GRM7: variants seen among roughly 807,000 people sequenced by gnomAD.
GRM7 encodes the protein glutamate metabotropic receptor 7.
A neutral mutation model predicts 84.5 loss-of-function variants in GRM7; 35 were observed. That is an observed-to-expected ratio of 0.41 (90% confidence interval 0.32 to 0.55). GRM7 has a LOEUF of 0.55. Among genes scored for constraint, GRM7 ranks in the 20% least tolerant of loss-of-function variants. GRM7 has a pLI of 0.19. For synonymous variants in GRM7, 487 were observed against 455.1 expected, an observed-to-expected ratio of 1.07 and a Z score of -0.89; for missense variants, 1,003 against 1,194.6, an observed-to-expected ratio of 0.84 and a Z score of 2.36.
At chr3:7,259,032 A>C (rs966247289) in intron 2 of GRM7, among the ~76,000 whole-genome samples, 2 of 152,234 alleles carry the variant, frequency 1.3e-5, no homozygotes, top group African/African-American at 4.8e-5. Context: ...GCATTGGCCT[A>C]CTGCTAGGTT....
Position 7,486,524 on chromosome 3 carries a change from G to A in GRM7, c.1515+24802G>A, listed in dbSNP as rs1699329106. ...AGAGTGAGTGAGTTTTTGCTTTCCT[G>A]GACTGGATTATTTGCCAGAAAAGTG... On this transcript the variant is annotated intron_variant, in intron 7 of 9. Coordinates refer to ENST00000357716, the MANE Select transcript of GRM7 (RefSeq NM_000844.4). This position sits in a 1 kb window ranked among gnomAD's most constrained non-coding sequence, Gnocchi z 5.5. 6.6e-6 allele frequency among the ~76,000 whole-genome samples: 1 copy of A among 152,016 alleles called. No individual in the cohort carries two copies. The highest frequency in any genetic ancestry group is 6.6e-5 in the Admixed American group (1 of 15,260).
chr3:6,968,552 T>A (rs537462478), intron 1 of GRM7, among the ~76,000 whole-genome samples: 1 of 152,246 alleles, frequency 6.6e-6, no homozygotes, highest in African/African-American at 2.4e-5. Flanking sequence ...CTTAAAATGC[T>A]TATTGCAACA....
chr3:7,441,917 C>G (rs1433120613), intron 5 of GRM7, among the ~76,000 whole-genome samples: 11 of 151,354 alleles, frequency 7.3e-5, no homozygotes, highest in Non-Finnish European at 4.4e-5. Flanking sequence ...AATATAATGC[C>G]TTCAGTTTTG....
rs564177640 is a variant in GRM7, at chr3:6,912,571, T to C, written c.519+50664T>C. Among the ~76,000 whole-genome samples the C allele has an allele frequency of 9.9e-5, 15 of 152,262 alleles. No homozygotes were observed. The South Asian group carries it at 3.1e-3, about 32-fold the overall frequency. On this transcript the variant is annotated intron_variant, in intron 1 of 9. Transcript: ENST00000357716. ...TTTGATAACAGAATGTTCGATGCCA[T>C]ACAGATCAGCTGATTCTATGGTTGG...
chr3:7,069,040 G>A (rs545022673), intron 1 of GRM7, among the ~76,000 whole-genome samples: 2 of 150,008 alleles, frequency 1.3e-5, no homozygotes, highest in South Asian at 2.1e-4. Flanking sequence ...TTATATATAC[G>A]ATGATGATAT....
At chr3:7,619,578 A>ATCC (rs983105766) in intron 8 of GRM7, among the ~76,000 whole-genome samples, 42 of 152,156 alleles carry the variant, frequency 2.8e-4, no homozygotes, top group African/African-American at 9.9e-4. Flanking sequence ...TGTAGAGGGG[A>ATCC]CGGTCCTGCA....
At chr3:7,548,197 C>A (rs187818717) in intron 7 of GRM7, among the ~76,000 whole-genome samples, 4 of 152,208 alleles carry the variant, frequency 2.6e-5, no homozygotes, top group Non-Finnish European at 5.9e-5. Context: ...TGAATGTCTT[C>A]GTGCCATCCT....
intron 4 of GRM7, among the ~76,000 whole-genome samples, chr3:7,310,699 G>A (rs753540618): frequency 6.6e-6 from 1 of 152,292 alleles, no homozygotes; most frequent in African/African-American, 2.4e-5. Flanking sequence ...GTGGCAGAGT[G>A]GGTTTCTGTC....
chr3:7,257,086 C>T (rs1698237408), intron 2 of GRM7, among the ~76,000 whole-genome samples: 2 of 151,928 alleles, frequency 1.3e-5, no homozygotes, highest in Non-Finnish European at 2.9e-5. Flanking sequence ...AGTACACTCA[C>T]TAAAATAGGT....
chr3:7,063,662 A>G (rs1434046710), intron 1 of GRM7, among the ~76,000 whole-genome samples: 1 of 151,762 alleles, frequency 6.6e-6, no homozygotes, highest in African/African-American at 2.4e-5. Flanking sequence ...ATCTTGGCTA[A>G]CACATACACC....
rs35854066 is a variant in GRM7 at position 7,586,384 on chromosome 3, G to GTT, written c.2451+7037_2451+7038dup. 1.4e-4 allele frequency among the ~76,000 whole-genome samples: 21 copies of GTT among 146,800 alleles called. 1 individual carries two copies. The highest frequency in any genetic ancestry group is 1.0e-3 in the Admixed American group (15 of 14,630). On this transcript the variant is annotated intron_variant, in intron 8 of 9. Transcript: ENST00000357716. Reference sequence around the variant, plus strand: ...TCATGTAAAGACTTGTACATGAGGGGTTTTTTTTTTTGTAGCTTTATTTCT... The same window carrying GTT: ...TCATGTAAAGACTTGTACATGAGGGGTTTTTTTTTTTTTGTAGCTTTATTTCT...
chr3:7,441,635 T>A (rs889990357), intron 5 of GRM7, among the ~76,000 whole-genome samples: 4 of 152,200 alleles, frequency 2.6e-5, no homozygotes, highest in African/African-American at 9.6e-5. Flanking sequence ...AAGTTTTTAA[T>A]ATATCTTGGG....
At chr3:7,604,961 A>G (rs1175105694) in intron 8 of GRM7, among the ~76,000 whole-genome samples, 1 of 152,198 alleles carries the variant, frequency 6.6e-6, no homozygotes, top group Admixed American at 6.5e-5. Context: ...ATAGGATATT[A>G]GGCTAACATC....
intron 1 of GRM7, among the ~76,000 whole-genome samples, chr3:6,895,976 A>C (rs1696168187): frequency 6.6e-6 from 1 of 152,142 alleles, no homozygotes; most frequent in Non-Finnish European, 1.5e-5. Context: ...AGCCCAGCCA[A>C]TAATTTTAAA....
intron 1 of GRM7, among the ~76,000 whole-genome samples, chr3:7,116,072 T>C (rs2125039230): frequency 6.6e-6 from 1 of 152,294 alleles, no homozygotes; most frequent in African/African-American, 2.4e-5. Flanking sequence ...TTGGGAGGTT[T>C]GTTTTCCTGG....
intron 1 of GRM7, among the ~76,000 whole-genome samples, chr3:6,895,412 T>C (rs1428651316): frequency 6.6e-6 from 1 of 152,184 alleles, no homozygotes. Flanking sequence ...CTTGTAATAA[T>C]GACCATCAGA....
intron 1 of GRM7, among the ~76,000 whole-genome samples, chr3:6,970,514 A>T (rs1023510262): frequency 6.6e-6 from 1 of 152,266 alleles, no homozygotes; most frequent in East Asian, 1.9e-4. Context: ...TTTAAAATAT[A>T]CACCTAGCCT....
chr3:6,975,322 G>A (rs985933569), intron 1 of GRM7, among the ~76,000 whole-genome samples: 2 of 152,130 alleles, frequency 1.3e-5, no homozygotes, highest in African/African-American at 2.4e-5. Flanking sequence ...CAAAGTAACT[G>A]CTCTGATTAT....
At chr3:7,040,339 G>C (rs1021393311) in intron 1 of GRM7, among the ~76,000 whole-genome samples, 1 of 151,002 alleles carries the variant, frequency 6.6e-6, no homozygotes, top group Non-Finnish European at 1.5e-5. Context: ...GTCTCGCTCT[G>C]TCGCCCAGGC....
Sources: gnomAD v4.1 joint callset for allele counts (sites outside exome capture counted in the v4.1 genomes callset) on GRCh38, gnomAD v4.1.1 for gene constraint, Gnocchi (gnomAD v3.1) non-coding constraint, MANE v1.5 for transcripts, NCBI Gene and HGNC (gene_info 2026-07-23, HGNC 2026-07-21) for gene names.